The following ADGRA3 variants were observed in gnomAD, a reference collection of about 807,000 sequenced individuals.
The protein encoded by ADGRA3 is adhesion G protein-coupled receptor A3.
ADGRA3 carries 56 observed loss-of-function variants against 119.8 expected under a neutral mutation model. The observed-to-expected ratio is 0.47, with a 90% CI of 0.38 to 0.58. The LOEUF is 0.58. Among genes scored for constraint, ADGRA3 ranks in the 20% least tolerant of loss-of-function variants. The probability of loss-of-function intolerance (pLI) is 0.00; values close to 1 mark genes in which losing one functional copy is unlikely to be tolerated. For missense variants in ADGRA3, 1,516 were observed against 1,649.0 expected (o/e 0.92, Z 1.40); for synonymous variants, 607 against 623.8 (o/e 0.97, Z 0.40).
chr4:22,392,514 A>G, intron 17 of ADGRA3, 31 bp downstream of exon 17: 4 of 1,605,910 alleles, frequency 2.5e-6, no homozygotes, highest in Non-Finnish European at 3.4e-6. Flanking sequence ...AAAGCAAACA[A>G]AACAATTAAT....
At chr4:22,478,255 G>A (rs1412772320) in intron 1 of ADGRA3, 4 of 152,118 alleles carry the variant, frequency 2.6e-5, no homozygotes, top group South Asian at 4.1e-4. Flanking sequence ...AAACAGGAGT[G>A]AGACTTACTA....
intron 14 of ADGRA3, among the ~76,000 whole-genome samples, chr4:22,406,475 A>AT (rs1168561802): frequency 6.6e-6 from 1 of 151,990 alleles, no homozygotes; most frequent in Non-Finnish European, 1.5e-5. Flanking sequence ...ACATTCTGTT[A>AT]TTTTTTGTCT....
At position 22,388,866 on chromosome 4, in the gene ADGRA3, A is replaced by G; in HGVS notation, c.2805T>C (p.Phe935=). 1.2e-6 allele frequency: 2 copies of G among 1,614,130 alleles called. No homozygotes were observed. Among genetic ancestry groups the G allele is most frequent in the Non-Finnish European group, 1.7e-6 (2 of 1,179,990 alleles). ...TTTTCAACTGAATAAATATGCTCAG[A>G]AAGTACATGCAGTTTACAAAAGTGA... ...SFITFVNCMY[F]LSIFIQLKRH... Residue 935 remains phenylalanine, a synonymous_variant, in exon 19 of 19, where the codon TTT becomes TTC. Coordinates refer to ENST00000334304, the MANE Select transcript of ADGRA3 (RefSeq NM_145290.4).
intron 12 of ADGRA3, chr4:22,420,437 C>G (rs889166877): frequency 5.9e-6 from 1 of 169,644 alleles, no homozygotes; most frequent in Non-Finnish European, 1.2e-5. Flanking sequence ...ATACAGCTTG[C>G]TTGATTAAAC....
intron 16 of ADGRA3, among the ~76,000 whole-genome samples, chr4:22,399,278 T>C (rs1412942201): frequency 6.6e-6 from 1 of 152,240 alleles, no homozygotes; most frequent in African/African-American, 2.4e-5. Flanking sequence ...GTTGTGTGGA[T>C]TGTAAACAGA....
intron 1 of ADGRA3, among the ~76,000 whole-genome samples, chr4:22,502,260 T>C (rs1719072506): frequency 6.6e-6 from 1 of 152,140 alleles, no homozygotes; most frequent in Non-Finnish European, 1.5e-5. Flanking sequence ...ACCAGGTGTG[T>C]CCATCAAGCT....
At chr4:22,502,893 G>GAA (rs71182944) in intron 1 of ADGRA3, among the ~76,000 whole-genome samples, 4 of 120,074 alleles carry the variant, frequency 3.3e-5, no homozygotes, top group Non-Finnish European at 5.0e-5. Context: ...CTACTTAAGG[G>GAA]AAAAAAAAAA....
At chr4:22,454,213 C>T (rs990516153) in intron 4 of ADGRA3, among the ~76,000 whole-genome samples, 5 of 151,974 alleles carry the variant, frequency 3.3e-5, no homozygotes, top group African/African-American at 9.7e-5. Flanking sequence ...ATGGCTTATA[C>T]AAAGTTCTTC....
At chr4:22,506,720 G>A (rs1442014726) in intron 1 of ADGRA3, among the ~76,000 whole-genome samples, 3 of 151,458 alleles carry the variant, frequency 2.0e-5, no homozygotes, top group African/African-American at 7.3e-5. Flanking sequence ...TACTAGACAT[G>A]CAACATTTCT....
intron 14 of ADGRA3, among the ~76,000 whole-genome samples, chr4:22,410,204 T>C (rs1007466869): frequency 6.6e-6 from 1 of 152,208 alleles, no homozygotes; most frequent in African/African-American, 2.4e-5. Flanking sequence ...AATCAATGTA[T>C]ATAAATTAGC....
intron 16 of ADGRA3, among the ~76,000 whole-genome samples, chr4:22,399,824 A>C (rs1714537970): frequency 6.6e-6 from 1 of 152,152 alleles, no homozygotes; most frequent in African/African-American, 2.4e-5. Flanking sequence ...TTTTCACATA[A>C]ATTTAAAAAT....
chr4:22,424,665 G>T (rs1303446508), intron 10 of ADGRA3, among the ~76,000 whole-genome samples: 1 of 152,136 alleles, frequency 6.6e-6, no homozygotes, highest in Non-Finnish European at 1.5e-5. Context: ...AGAAGGAAAG[G>T]ATGTCACACA....
In ADGRA3 at chr4:22,503,238, TAAAC is replaced by T. The variant is rs538419008; in HGVS notation, c.257+12286_257+12289del. 9.4e-4 allele frequency among the ~76,000 whole-genome samples: 143 copies of T among 152,196 alleles called. 1 individual carries two copies. In the South Asian group the frequency reaches 0.011, roughly 12 times the overall value. ...TACATTTGGTCTCATTTAAAACAAATAAACAAACAGCAGGTTAAAAATAATAATA... is the reference window on the plus strand; with the variant it reads ...TACATTTGGTCTCATTTAAAACAAATAAACAGCAGGTTAAAAATAATAATA... On this transcript the variant is annotated intron_variant, in intron 1 of 18. Transcript: ENST00000334304.
intron 1 of ADGRA3, among the ~76,000 whole-genome samples, chr4:22,496,600 T>C (rs1328674455): frequency 6.6e-6 from 1 of 152,182 alleles, no homozygotes; most frequent in Non-Finnish European, 1.5e-5. Context: ...TTGGAAATTA[T>C]GACTCAAGGG....
intron 1 of ADGRA3, among the ~76,000 whole-genome samples, chr4:22,485,499 G>A (rs1177095666): frequency 6.6e-6 from 1 of 151,786 alleles, no homozygotes; most frequent in Non-Finnish European, 1.5e-5. Context: ...GAATTTTCCT[G>A]TGTTAACTTT....
intron 12 of ADGRA3, 111 bp downstream of exon 12, chr4:22,420,775 A>G: frequency 3.0e-6 from 3 of 1,016,486 alleles, no homozygotes; most frequent in Non-Finnish European, 4.5e-6. Context: ...AATAATACCT[A>G]TCTTCCTGCA....
rs756478360 is a variant in ADGRA3, at chr4:22,444,957, TG to T, written c.706+15del. The T allele has an allele frequency of 9.3e-6, 15 of 1,611,842 alleles. No homozygotes were observed. The East Asian group carries it at 3.1e-4, about 34-fold the overall frequency. On this transcript the variant is annotated intron_variant, in intron 6 of 18. Transcript: ENST00000334304. ...AAATATGGTAAATGCTTTCTCAGTT[TG>T]GATTTCTCCCTTACCGCATGTCAAC...
intron 1 of ADGRA3, among the ~76,000 whole-genome samples, chr4:22,494,033 T>G (rs1342689808): frequency 1.3e-5 from 2 of 151,634 alleles, no homozygotes; most frequent in Admixed American, 6.6e-5. Flanking sequence ...TGAAACCCCG[T>G]CTCTACTAAA....
intron 17 of ADGRA3, 132 bp downstream of exon 17, chr4:22,392,413 C>T (rs972920848): frequency 2.1e-5 from 22 of 1,041,528 alleles, no homozygotes; most frequent in Non-Finnish European, 3.1e-5. Flanking sequence ...GAGCCATTTT[C>T]AAAACCAGGC....
Sources: gnomAD v4.1 joint callset for allele counts (sites outside exome capture counted in the v4.1 genomes callset) on GRCh38, gnomAD v4.1.1 for gene constraint, MANE v1.5 for transcripts, NCBI Gene and HGNC (gene_info 2026-07-23, HGNC 2026-07-21) for gene names.